The following TMED1 variants were observed in gnomAD, a reference collection of about 807,000 sequenced individuals.
TMED1 encodes transmembrane emp24 domain-containing protein 1.
Under a neutral mutation model 21.2 loss-of-function variants are expected in TMED1, and 20 were observed. The observed-to-expected ratio is 0.95, with a 90% CI of 0.67 to 1.37. TMED1 has a LOEUF of 1.37. Ranked by LOEUF, TMED1 falls within the 40% of genes most tolerant of loss-of-function variation. TMED1 has a pLI of 0.00. For missense variants in TMED1, 316 were observed against 309.8 expected (o/e 1.02, Z -0.15); for synonymous variants, 149 against 134.7 (o/e 1.11, Z -0.74).
chr19:10,835,861 G>C, intron 1 of TMED1, 148 bp downstream of exon 1: 2 of 1,357,082 alleles, frequency 1.5e-6, no homozygotes, highest in Non-Finnish European at 1.9e-6. Flanking sequence ...CACCGTCCCC[G>C]CCCCATCTGT....
chr19:10,835,793 C>G, intron 1 of TMED1: 4 of 985,268 alleles, frequency 4.1e-6, no homozygotes, highest in Middle Eastern at 5.2e-4. Context: ...CCCGCCCCCT[C>G]TGGATCTCTT....
Position 10,832,943 on chromosome 19 carries a change from G to A in TMED1, c.*52C>T. On this transcript the variant is annotated 3_prime_UTR_variant, in exon 4 of 4. Coordinates refer to ENST00000214869, the MANE Select transcript of TMED1 (RefSeq NM_006858.4). ...GGGGAGGGACCCCCAAGTCTCATAT[G>A]CACACACCCTGCTGCCCCTCCTTTG... is the stretch of plus-strand genomic sequence containing the variant. 1 of 1,592,270 alleles carries A rather than the reference G, an allele frequency of 6.3e-7. No individual in the cohort carries two copies. The highest frequency in any genetic ancestry group is 8.5e-7 in the Non-Finnish European group (1 of 1,171,502).
Position 10,833,126 on chromosome 19 carries a change from G to C in TMED1, c.553C>G (p.Leu185Val). Residue 185 changes from leucine to valine, a missense_variant, in exon 4 of 4, where the codon CTG (leucine) becomes GTG (valine). By Grantham distance (32) the Leu-to-Val change is conservative. Coordinates refer to ENST00000214869, the MANE Select transcript of TMED1 (RefSeq NM_006858.4). Reference protein sequence around the residue: ...LRAFEARDRNLQEGNLERVNF... With the variant: ...LRAFEARDRNVQEGNLERVNF... Reference sequence around the variant, plus strand: ...ACCCGCTCCAAGTTGCCCTCTTGCAGGTTGCGGTCACGTGCCTCGAAGGCC... The same window carrying C: ...ACCCGCTCCAAGTTGCCCTCTTGCACGTTGCGGTCACGTGCCTCGAAGGCC... The C allele has an allele frequency of 6.2e-7, 1 of 1,614,068 alleles. No individual in the cohort carries two copies. Among genetic ancestry groups the C allele is most frequent in the Non-Finnish European group, 8.5e-7 (1 of 1,180,054 alleles).
chr19:10,834,320 C>T (rs1292801949), intron 3 of TMED1, among the ~76,000 whole-genome samples: 1 of 152,140 alleles, frequency 6.6e-6, no homozygotes, highest in Non-Finnish European at 1.5e-5. Context: ...ATCTCACTTT[C>T]TCCACCTGTA....
chr19:10,835,921 C>T (rs1016002637), intron 1 of TMED1, 88 bp downstream of exon 1: 15 of 1,469,980 alleles, frequency 1.0e-5, no homozygotes, highest in Non-Finnish European at 1.4e-5. Context: ...GATTCCTCCC[C>T]CTTCCTCCTA....
chr19:10,835,960 A>T (rs1197466716), intron 1 of TMED1, 49 bp downstream of exon 1: 20 of 1,514,208 alleles, frequency 1.3e-5, no homozygotes, highest in Non-Finnish European at 1.8e-5. Flanking sequence ...CCGCTTGGCC[A>T]CGCCCCCTCT....
At position 10,832,486 on chromosome 19, in the gene TMED1, C is replaced by T. The variant is rs1433053390; in HGVS notation, c.*509G>A. ...GACTCCAATGCCCAGGCCACACCACCCTTTGTTATAGGAGGCTTCTGCCTA... is the reference window on the plus strand; with the variant it reads ...GACTCCAATGCCCAGGCCACACCACTCTTTGTTATAGGAGGCTTCTGCCTA... On this transcript the variant is annotated 3_prime_UTR_variant, in exon 4 of 4. Coordinates refer to ENST00000214869, the MANE Select transcript of TMED1 (RefSeq NM_006858.4). 3.8e-5 allele frequency: 28 copies of T among 741,166 alleles called. No homozygotes were observed. Among genetic ancestry groups the T allele is most frequent in the Non-Finnish European group, 4.9e-5 (25 of 508,934 alleles). The allele number at this position is 741,166 out of a possible 1,614,324, so 45.9% of individuals were successfully genotyped here.
intron 3 of TMED1, among the ~76,000 whole-genome samples, chr19:10,834,339 A>G (rs1229973853): frequency 6.6e-6 from 1 of 151,832 alleles, no homozygotes; most frequent in Non-Finnish European, 1.5e-5. Flanking sequence ...TAAAATGGGG[A>G]TGACTTGAGC....
chr19:10,834,966 C>T lies in TMED1; in HGVS notation c.433G>A (p.Glu145Lys). The T allele has an allele frequency of 6.2e-7, 1 of 1,614,186 alleles. No individual in the cohort carries two copies. Among genetic ancestry groups the T allele is most frequent in the Non-Finnish European group, 8.5e-7 (1 of 1,180,004 alleles). Reference protein sequence around the residue: ...EGWAEAVEPEEMLDVKMEDIK... With the variant: ...EGWAEAVEPEKMLDVKMEDIK... ...TCCTCCATTTTAACATCCAGCATCT[C>T]CTCGGGCTCCACAGCCTCTGCCCAT... The change falls in exon 3 of 4, where the codon GAG becomes AAG. Residue 145 changes from glutamate to lysine, a missense_variant. By Grantham distance (56) the Glu-to-Lys change is moderately conservative. Coordinates refer to ENST00000214869, the MANE Select transcript of TMED1 (RefSeq NM_006858.4).
In TMED1 at chr19:10,832,178, G is replaced by A; in HGVS notation, c.*817C>T. On this transcript the variant is annotated 3_prime_UTR_variant, in exon 4 of 4. Coordinates refer to ENST00000214869, the MANE Select transcript of TMED1 (RefSeq NM_006858.4). ...CCTGGCTGCTGCCTGGTGAAGCGGG[G>A]ACCCCAGCGCTCCACCCCCTTCCTA... The A allele has an allele frequency of 1.2e-6, 1 of 821,896 alleles. No individual in the cohort carries two copies. The highest frequency in any genetic ancestry group is 1.5e-5 in the South Asian group (1 of 68,394). 50.9% of individuals were successfully genotyped at this position (821,896 alleles called of 1,614,324 possible). A position where few individuals can be genotyped will look rare whatever the true frequency, so the allele number is the denominator to read the frequency against.
At position 10,833,021 on chromosome 19, in the gene TMED1, G is replaced by C. The variant is rs1305941758; in HGVS notation, c.658C>G (p.Gln220Glu). The change falls in exon 4 of 4, where the codon CAG becomes GAG. Residue 220 changes from glutamine (Q) to glutamate (E), a missense_variant. Transcript: ENST00000214869. ...TACGTGGGCACCGGGCGCTTGTCCT[G>C]GAAGAAGCGCTTGAGCGTGCAGACC... ...LQVCTLKRFFQDKRPVPT is the reference protein window; with the variant it reads ...LQVCTLKRFFEDKRPVPT 11 of 1,613,532 alleles carry C rather than the reference G, an allele frequency of 6.8e-6. No homozygotes were observed. The highest frequency in any genetic ancestry group is 8.5e-6 in the Non-Finnish European group (10 of 1,180,042).
rs1263356357 is a variant in TMED1 at position 10,832,788 on chromosome 19, C to T, written c.*207G>A. ...CACCATGTGAGATTTCCAGGACCGT[C>T]GGTGCAGCCACTGAGCCGTCCCTTC... On this transcript the variant is annotated 3_prime_UTR_variant, in exon 4 of 4. Transcript: ENST00000214869. 3 of 617,822 alleles carry T rather than the reference C, an allele frequency of 4.9e-6. No individual in the cohort carries two copies. The highest frequency in any genetic ancestry group is 2.8e-5 in the East Asian group (1 of 36,330). The allele number at this position is 617,822 out of a possible 1,614,324, so 38.3% of individuals were successfully genotyped here.
In TMED1 at chr19:10,832,893, C is replaced by G; in HGVS notation, c.*102G>C. 1 of 1,357,288 alleles carries G rather than the reference C, an allele frequency of 7.4e-7. No individual in the cohort carries two copies. 84.1% of individuals were successfully genotyped at this position (1,357,288 alleles called of 1,614,324 possible). The stretch of plus-strand genomic sequence containing the variant: ...AGACCGCAGGCCCTGACTGCACACT[C>G]CCGTTTTGGCAGGAAACTAAAATTG... On this transcript the variant is annotated 3_prime_UTR_variant, in exon 4 of 4. Coordinates refer to ENST00000214869, the MANE Select transcript of TMED1 (RefSeq NM_006858.4).
Position 10,832,931 on chromosome 19 carries a change from C to T in TMED1, c.*64G>A. 1 of 1,569,344 alleles carries T rather than the reference C, an allele frequency of 6.4e-7. No homozygotes were observed. Among genetic ancestry groups the T allele is most frequent in the Non-Finnish European group, 8.7e-7 (1 of 1,155,664 alleles). ...GAAACTAAAATTGGGGAGGGACCCC[C>T]AAGTCTCATATGCACACACCCTGCT... On this transcript the variant is annotated 3_prime_UTR_variant, in exon 4 of 4. Coordinates refer to ENST00000214869, the MANE Select transcript of TMED1 (RefSeq NM_006858.4).
At chr19:10,835,463 C>A in intron 1 of TMED1, 110 bp from the exon 2 acceptor site, 1 of 1,516,736 alleles carries the variant, frequency 6.6e-7, no homozygotes, top group Non-Finnish European at 8.9e-7. Flanking sequence ...AAGGGCTTAC[C>A]TGAACGGCGG....
At position 10,835,121 on chromosome 19, in the gene TMED1, G is replaced by A; in HGVS notation, c.282-4C>T. 2.5e-6 allele frequency: 4 copies of A among 1,612,980 alleles called. No homozygotes were observed. The highest frequency in any genetic ancestry group is 3.4e-6 in the Non-Finnish European group (4 of 1,179,266). The stretch of plus-strand genomic sequence containing the variant: ...CCCGGCCTCCGTTGGCTCCACCCTG[G>A]GCAGACAGACACACAGACATGACCC... On this transcript the variant is annotated splice_region_variant and splice_polypyrimidine_tract_variant and intron_variant, in intron 2 of 3. Transcript: ENST00000214869.
At chr19:10,835,864 C>T in intron 1 of TMED1, 145 bp downstream of exon 1, 1 of 1,418,772 alleles carries the variant, frequency 7.0e-7, no homozygotes, top group Non-Finnish European at 9.2e-7. Flanking sequence ...CGTCCCCGCC[C>T]CATCTGTCCA....
Position 10,835,041 on chromosome 19 carries a change from ACAC to A in TMED1, c.355_357del (p.Val119del). 6.2e-7 allele frequency: 1 copy of A among 1,614,164 alleles called. No homozygotes were observed. Among genetic ancestry groups the A allele is most frequent in the South Asian group, 1.1e-5 (1 of 91,082 alleles). Reference sequence around the variant, plus strand: ...AGGCTGTCAAAGATCAGTTCAAAGAACACCAGCTTCTCGGAGATGGTGCTGAAG... The same window carrying A: ...AGGCTGTCAAAGATCAGTTCAAAGAACAGCTTCTCGGAGATGGTGCTGAAG... On this transcript the variant is annotated inframe_deletion, in exon 3 of 4. Coordinates refer to ENST00000214869, the MANE Select transcript of TMED1 (RefSeq NM_006858.4).
intron 1 of TMED1, 111 bp downstream of exon 1, chr19:10,835,898 G>A (rs547839455): frequency 1.2e-5 from 17 of 1,416,446 alleles, no homozygotes; most frequent in Admixed American, 2.9e-5. Context: ...CCGCCCCCGC[G>A]CTCCCAAGCA....
Sources: allele counts gnomAD v4.1 joint callset (sites outside exome capture counted in the v4.1 genomes callset), GRCh38; gene constraint gnomAD v4.1.1; transcripts MANE v1.5; gene names NCBI Gene and HGNC (gene_info 2026-07-23, HGNC 2026-07-21).